Variants in PHLPP2 observed in about 807,000 individuals in gnomAD.
PHLPP2 encodes the protein PH domain and leucine rich repeat protein phosphatase 2, also known as PH domain leucine-rich repeat-containing protein phosphatase 2.
A neutral mutation model predicts 124.9 loss-of-function variants in PHLPP2; 66 were observed. That is an observed-to-expected ratio of 0.53 (90% CI 0.43 to 0.65). PHLPP2 has a LOEUF of 0.65. Ranked by LOEUF, PHLPP2 falls within the 30% of genes least tolerant of loss-of-function variation. The probability of loss-of-function intolerance (pLI) is 0.00; values close to 1 mark genes in which losing one functional copy is unlikely to be tolerated. For missense variants in PHLPP2, 1,685 were observed against 1,600.4 expected (o/e 1.05, Z -0.90); for synonymous variants, 681 against 624.7 (o/e 1.09, Z -1.34).
intron 1 of PHLPP2, among the ~76,000 whole-genome samples, chr16:71,716,509 G>C (rs1481562625): frequency 6.6e-6 from 1 of 152,180 alleles, no homozygotes; most frequent in Non-Finnish European, 1.5e-5. Flanking sequence ...CTAAAGATCA[G>C]CATTTGCCTG....
intron 2 of PHLPP2, among the ~76,000 whole-genome samples, chr16:71,703,167 G>C (rs1346439016): frequency 6.6e-6 from 1 of 152,012 alleles, no homozygotes; most frequent in African/African-American, 2.4e-5. Flanking sequence ...ATCTGCTCTT[G>C]ATTTTTATTC....
intron 17 of PHLPP2, 151 bp downstream of exon 17, chr16:71,655,089 C>T (rs2044731173): frequency 1.6e-6 from 1 of 610,344 alleles, no homozygotes; most frequent in Non-Finnish European, 2.9e-6. Context: ...CCCCGCACTC[C>T]ATGCTCATAT....
At chr16:71,666,806 G>A (rs2044843862) in intron 12 of PHLPP2, among the ~76,000 whole-genome samples, 1 of 152,190 alleles carries the variant, frequency 6.6e-6, no homozygotes, top group Non-Finnish European at 1.5e-5. Flanking sequence ...TTAGTGGTAC[G>A]TCCTTTTCTC....
At chr16:71,690,967 C>G (rs1216722610) in intron 3 of PHLPP2, among the ~76,000 whole-genome samples, 1 of 152,162 alleles carries the variant, frequency 6.6e-6, no homozygotes, top group African/African-American at 2.4e-5. Context: ...ACAGCCATAT[C>G]TCCTATGTAC....
intron 17 of PHLPP2, 122 bp from the exon 18 acceptor site, chr16:71,653,143 T>C: frequency 1.5e-6 from 1 of 645,784 alleles, no homozygotes; most frequent in Non-Finnish European, 2.7e-6. Flanking sequence ...TGAACCAGCC[T>C]TACCCTTATC....
chr16:71,658,405 G>T, intron 14 of PHLPP2, 42 bp from the exon 15 acceptor site: 4 of 1,575,574 alleles, frequency 2.5e-6, no homozygotes, highest in South Asian at 1.1e-5. Flanking sequence ...ACATCACAGA[G>T]ACTTAGTTCT....
At chr16:71,689,543 C>T (rs2045088356) in intron 4 of PHLPP2, among the ~76,000 whole-genome samples, 1 of 152,094 alleles carries the variant, frequency 6.6e-6, no homozygotes, top group Non-Finnish European at 1.5e-5. Context: ...CAGGCACCCA[C>T]CACCATGCCC....
intron 5 of PHLPP2, 67 bp from the exon 6 acceptor site, chr16:71,681,972 G>A: frequency 2.6e-6 from 3 of 1,158,234 alleles, no homozygotes; most frequent in Admixed American, 5.7e-5. Flanking sequence ...GCAAAGAATG[G>A]AATGGCATTT....
rs1746252769 is a variant in PHLPP2 at position 71,648,335 on chromosome 16, C to T, written c.*555G>A. ...ACTGATACAGAACAGCTGCTTTCTT[C>T]CCAGTACCCCTGGGAATTCCAATGC... is the stretch of plus-strand genomic sequence containing the variant. On this transcript the variant is annotated 3_prime_UTR_variant, in exon 19 of 19. Transcript: ENST00000568954. 1 of 158,568 alleles carries T rather than the reference C, an allele frequency of 6.3e-6. No individual in the cohort carries two copies. The highest frequency in any genetic ancestry group is 1.9e-4 in the South Asian group (1 of 5,168). 9.8% of individuals were successfully genotyped at this position (158,568 alleles called of 1,614,324 possible).
At chr16:71,656,543 T>C in intron 16 of PHLPP2, 28 bp downstream of exon 16, 1 of 1,378,332 alleles carries the variant, frequency 7.3e-7, no homozygotes, top group Admixed American at 1.7e-5. Context: ...CTTTTTTCTT[T>C]CTCAGTCTCC....
chr16:71,679,249 CA>C, intron 7 of PHLPP2, 139 bp downstream of exon 7: 3 of 759,536 alleles, frequency 3.9e-6, no homozygotes, highest in Non-Finnish European at 4.3e-6. Context: ...TCTCTGAGGT[CA>C]AAAACTGCTG....
chr16:71,649,600 C>G lies in PHLPP2; in HGVS notation c.3262G>C (p.Glu1088Gln). 3 of 1,614,188 alleles carry G rather than the reference C, an allele frequency of 1.9e-6. No homozygotes were observed. Among genetic ancestry groups the G allele is most frequent in the Non-Finnish European group, 2.5e-6 (3 of 1,180,020 alleles). Residue 1088 changes from glutamate to glutamine, a missense_variant, in exon 19 of 19, where the codon GAG becomes CAG. Coordinates refer to ENST00000568954, the MANE Select transcript of PHLPP2 (RefSeq NM_015020.3). ...GTGGACCCCACTTCACTGCTCACCT[C>G]TGAGGTGGACATCTCACTGCTGAAC... is the stretch of plus-strand genomic sequence containing the variant. Reference protein sequence around the residue: ...SEFSSEMSTSEVSSEVGSTAS... With the variant: ...SEFSSEMSTSQVSSEVGSTAS...
Position 71,718,306 on chromosome 16 carries a change from G to A in PHLPP2, c.-6-3505C>T, listed in dbSNP as rs544263146. Among the ~76,000 whole-genome samples the A allele has an allele frequency of 9.2e-5, 14 of 152,254 alleles. No individual in the cohort carries two copies. The East Asian group carries it at 2.1e-3, about 23-fold the overall frequency. Reference sequence around the variant, plus strand: ...TATCAAAACATATATGCGGTCGGGCGCAGTGGCTCACACCTGTAATCCCAG... The same window carrying A: ...TATCAAAACATATATGCGGTCGGGCACAGTGGCTCACACCTGTAATCCCAG... On this transcript the variant is annotated intron_variant, in intron 1 of 18. Transcript: ENST00000568954.
chr16:71,661,927 G>A (rs981182594), intron 13 of PHLPP2, among the ~76,000 whole-genome samples: 5 of 151,986 alleles, frequency 3.3e-5, no homozygotes, highest in Non-Finnish European at 5.9e-5. Context: ...GGGTTCAAGC[G>A]ATTCTCCTGC....
At chr16:71,723,447 C>G (rs1445994698) in intron 1 of PHLPP2, 2 of 153,326 alleles carry the variant, frequency 1.3e-5, no homozygotes, top group African/African-American at 2.4e-5. Flanking sequence ...GCGAGGCAAG[C>G]AGGGGCGGCG....
At chr16:71,687,598 C>A (rs1597005353) in intron 4 of PHLPP2, among the ~76,000 whole-genome samples, 2 of 152,016 alleles carry the variant, frequency 1.3e-5, no homozygotes, top group East Asian at 3.8e-4. Context: ...ATTCTTCTTG[C>A]CTTATTTTAG....
chr16:71,649,437 T>A lies in PHLPP2; in HGVS notation c.3425A>T (p.Gln1142Leu), dbSNP rs544520350. The change falls in exon 19 of 19, where the codon CAG becomes CTG. Residue 1142 changes from glutamine to leucine, a missense_variant. By Grantham distance (113) the Gln-to-Leu change is moderately radical. Coordinates refer to ENST00000568954, the MANE Select transcript of PHLPP2 (RefSeq NM_015020.3). The stretch of plus-strand genomic sequence containing the variant: ...ATCACTGTCCAGGCCGTTGTCAGAC[T>A]GGTTACTGGAGAAGGTAGCAGAAGA... ...QPSSATFSSN[Q>L]SDNGLDSDDD... The A allele has an allele frequency of 1.9e-6, 3 of 1,614,068 alleles. No individual in the cohort carries two copies. The highest frequency in any genetic ancestry group is 4.5e-5 in the East Asian group (2 of 44,868).
chr16:71,649,008 T>C lies in PHLPP2; in HGVS notation c.3854A>G (p.His1285Arg), dbSNP rs149705576. The C allele has an allele frequency of 8.7e-5, 140 of 1,613,996 alleles. No homozygotes were observed. The highest frequency in any genetic ancestry group is 9.8e-5 in the Non-Finnish European group (116 of 1,180,008). ...TTCCTTCACTTCTTCTTCCAGGTCA[T>C]GAGGCACAACAAACTGGTCCTCTGG... ...MEPEDQFVVP[H>R]DLEEEVKEQM... The change falls in exon 19 of 19, where the codon CAT becomes CGT. Residue 1285 changes from histidine (H) to arginine (R), a missense_variant. Coordinates refer to ENST00000568954, the MANE Select transcript of PHLPP2 (RefSeq NM_015020.3).
intron 2 of PHLPP2, among the ~76,000 whole-genome samples, chr16:71,712,512 C>T (rs2045330583): frequency 6.6e-6 from 1 of 152,124 alleles, no homozygotes; most frequent in African/African-American, 2.4e-5. Context: ...ACACCATATA[C>T]TTAAATAAGT....
Sources: gnomAD v4.1 joint callset for allele counts (sites outside exome capture counted in the v4.1 genomes callset) on GRCh38, gnomAD v4.1.1 for gene constraint, MANE v1.5 for transcripts, NCBI Gene and HGNC (gene_info 2026-07-23, HGNC 2026-07-21) for gene names.